DIS3L2: variants seen among roughly 807,000 people sequenced by gnomAD.
The protein encoded by DIS3L2 is DIS3 like 3'-5' exoribonuclease 2, also known as DIS3-like exonuclease 2.
DIS3L2 carries 34 observed loss-of-function variants against 97.5 expected under a neutral mutation model. That is an observed-to-expected ratio of 0.35 (90% CI 0.27 to 0.46). DIS3L2 has a LOEUF of 0.46. Among genes scored for constraint, DIS3L2 ranks in the 20% least tolerant of loss-of-function variants. The pLI is 1.00. For missense variants in DIS3L2, 1,038 were observed against 1,146.0 expected, an observed-to-expected ratio of 0.91 and a Z score of 1.36; for synonymous variants, 435 against 445.2, an observed-to-expected ratio of 0.98 and a Z score of 0.29.
At position 232,108,886 on chromosome 2, in the gene DIS3L2, C is replaced by T. The variant is rs527275930; in HGVS notation, c.601+21165C>T. ...GACCTATTCAAGGAGAACTATAAAC[C>T]GCTGCTCAAAGAAATCAGAGATGAC... On this transcript the variant is annotated intron_variant, in intron 6 of 20. Transcript: ENST00000325385. Among the ~76,000 whole-genome samples the T allele has an allele frequency of 3.3e-4, 50 of 152,178 alleles. No homozygotes were observed. The South Asian group carries it at 6.6e-3, about 20-fold the overall frequency.
At chr2:232,055,314 G>T (rs1324062553) in intron 5 of DIS3L2, among the ~76,000 whole-genome samples, 1 of 152,186 alleles carries the variant, frequency 6.6e-6, no homozygotes, top group Non-Finnish European at 1.5e-5. Flanking sequence ...CTAGTTGATT[G>T]TATACATGGA....
intron 6 of DIS3L2, among the ~76,000 whole-genome samples, chr2:232,090,972 A>T (rs969335026): frequency 1.6e-4 from 24 of 152,204 alleles, no homozygotes; most frequent in Non-Finnish European, 2.9e-4. Context: ...TCAGACATTC[A>T]TACAGTAGTT....
At chr2:232,118,190 C>T (rs889072838) in intron 6 of DIS3L2, among the ~76,000 whole-genome samples, 4 of 152,104 alleles carry the variant, frequency 2.6e-5, no homozygotes, top group Non-Finnish European at 4.4e-5. Flanking sequence ...ATGGAAGTCA[C>T]GGTCTTATGG....
chr2:232,308,605 A>G (rs988758323), intron 14 of DIS3L2, among the ~76,000 whole-genome samples: 1 of 152,138 alleles, frequency 6.6e-6, no homozygotes, highest in Non-Finnish European at 1.5e-5. Flanking sequence ...TGCCGCATTC[A>G]TGAGCCTGCC....
intron 6 of DIS3L2, among the ~76,000 whole-genome samples, chr2:232,119,438 G>T (rs1370078770): frequency 6.6e-6 from 1 of 152,144 alleles, no homozygotes; most frequent in Non-Finnish European, 1.5e-5. Flanking sequence ...TCAGATGGAA[G>T]TCTACTTAAA....
chr2:232,199,680 G>GA, intron 9 of DIS3L2, among the ~76,000 whole-genome samples: 1 of 152,046 alleles, frequency 6.6e-6, no homozygotes. Flanking sequence ...GAGAAAATGA[G>GA]AAAAATGTAT....
chr2:232,030,231 G>A lies in DIS3L2; in HGVS notation c.366+151G>A. On this transcript the variant is annotated intron_variant, in intron 5 of 20. Transcript: ENST00000325385. ...TAATCTTGGAAGCATGCTACCGAAT[G>A]CTTGGAACTTAGAAGCATCTGCTGG... The A allele has an allele frequency of 4.6e-6, 3 of 658,964 alleles. No homozygotes were observed. In the South Asian group the frequency reaches 5.7e-5, roughly 12 times the overall value. 40.8% of individuals were successfully genotyped at this position (658,964 alleles called of 1,614,324 possible).
At chr2:231,991,104 G>T (rs1270041527) in intron 1 of DIS3L2, among the ~76,000 whole-genome samples, 1 of 151,444 alleles carries the variant, frequency 6.6e-6, no homozygotes, top group Non-Finnish European at 1.5e-5. Context: ...ATGGGGTTTT[G>T]CCATGTCGCC....
intron 3 of DIS3L2, among the ~76,000 whole-genome samples, chr2:232,018,409 G>A (rs953686053): frequency 3.9e-5 from 6 of 152,146 alleles, no homozygotes; most frequent in Non-Finnish European, 8.8e-5. Flanking sequence ...GATGGGAAAA[G>A]GAATGGGTTC....
intron 6 of DIS3L2, among the ~76,000 whole-genome samples, chr2:232,095,110 C>T (rs1188789278): frequency 2.0e-5 from 3 of 152,118 alleles, no homozygotes; most frequent in Admixed American, 6.5e-5. Context: ...TCCATTCAGC[C>T]ACTCTGTGTC....
In DIS3L2 at chr2:232,084,665, T is replaced by C. The variant is rs540226997; in HGVS notation, c.367-2822T>C. On this transcript the variant is annotated intron_variant, in intron 5 of 20. Transcript: ENST00000325385. ...CTGTTTCTAACTTCCCATTGACAGA[T>C]GAATGGACAAATGAATGTATGAATC... 4.3e-4 allele frequency among the ~76,000 whole-genome samples: 65 copies of C among 152,154 alleles called. 1 individual carries two copies. Among genetic ancestry groups the C allele is most frequent in the Admixed American group, 1.6e-3 (24 of 15,274 alleles).
intron 14 of DIS3L2, 149 bp downstream of exon 14, chr2:232,300,268 A>G: frequency 1.4e-6 from 1 of 709,952 alleles, no homozygotes; most frequent in East Asian, 2.9e-5. Context: ...TGGCACAGAA[A>G]TAGTCCTCTT....
intron 10 of DIS3L2, among the ~76,000 whole-genome samples, chr2:232,222,515 G>A (rs1174399984): frequency 6.6e-6 from 1 of 152,138 alleles, no homozygotes; most frequent in South Asian, 2.1e-4. Flanking sequence ...CTGTCGCCCA[G>A]GCTGGAGTGC....
rs574508588 is a variant in DIS3L2 at position 232,251,364 on chromosome 2, A to G, written c.1425+2018A>G. Among the ~76,000 whole-genome samples, 20 of 152,340 alleles carry G rather than the reference A, an allele frequency of 1.3e-4. No homozygotes were observed. The East Asian group carries it at 2.5e-3, about 19-fold the overall frequency. ...GGAGGGAAAAAAAGAGCTCTTGGGA[A>G]TTAAACACAGGTTAGAAGAATTAAA... is the stretch of plus-strand genomic sequence containing the variant. On this transcript the variant is annotated intron_variant, in intron 12 of 20. Transcript: ENST00000325385.
chr2:232,202,363 A>C (rs1403548688), intron 9 of DIS3L2, among the ~76,000 whole-genome samples: 1 of 152,154 alleles, frequency 6.6e-6, no homozygotes, highest in Non-Finnish European at 1.5e-5. Context: ...GCGCCACTGC[A>C]CTCCAGCCTG....
At chr2:232,133,373 C>A (rs936468210) in intron 7 of DIS3L2, among the ~76,000 whole-genome samples, 11 of 152,180 alleles carry the variant, frequency 7.2e-5, no homozygotes, top group Non-Finnish European at 1.2e-4. Flanking sequence ...AAACTACAGC[C>A]CACAAAAGTA....
At chr2:232,263,530 T>C (rs1312454123) in intron 13 of DIS3L2, 90 bp downstream of exon 13, 2 of 1,265,208 alleles carry the variant, frequency 1.6e-6, no homozygotes, top group Non-Finnish European at 2.2e-6. Flanking sequence ...CTTAGACTCT[T>C]CCTTCCTTCT....
chr2:232,167,253 A>T (rs6759255), intron 9 of DIS3L2, among the ~76,000 whole-genome samples: 7,275 of 152,244 alleles, frequency 0.048, 569 homozygotes, highest in African/African-American at 0.16. Context: ...ACATGAATTT[A>T]CTACATTGAT....
intron 1 of DIS3L2, among the ~76,000 whole-genome samples, chr2:231,963,792 C>T (rs1489593805): frequency 6.6e-6 from 1 of 152,196 alleles, no homozygotes; most frequent in Non-Finnish European, 1.5e-5. Context: ...GACTGCAGCT[C>T]ACTGCAGCCT....
Sources: gnomAD v4.1 joint callset for allele counts (sites outside exome capture counted in the v4.1 genomes callset) on GRCh38, gnomAD v4.1.1 for gene constraint, MANE v1.5 for transcripts, NCBI Gene and HGNC (gene_info 2026-07-23, HGNC 2026-07-21) for gene names.